Variants in PHLDB2 observed in about 807,000 individuals in gnomAD.
PHLDB2 encodes the protein pleckstrin homology-like domain family B member 2.
PHLDB2 carries 71 observed loss-of-function variants against 123.6 expected under a neutral mutation model. The ratio of observed to expected loss-of-function variants is 0.57; its 90% CI spans 0.47 to 0.70. The LOEUF is 0.70. Ranked by LOEUF, PHLDB2 falls within the 30% of genes least tolerant of loss-of-function variation. The pLI is 0.00. For synonymous variants in PHLDB2, 547 were observed against 541.6 expected (o/e 1.01, Z -0.14); for missense variants, 1,446 against 1,519.5 (o/e 0.95, Z 0.80).
At chr3:111,931,296 G>A (rs1311159312) in intron 5 of PHLDB2, among the ~76,000 whole-genome samples, 1 of 152,182 alleles carries the variant, frequency 6.6e-6, no homozygotes, top group African/African-American at 2.4e-5. Context: ...CAATTGTTCA[G>A]AGCATCATAA....
chr3:111,769,994 C>T (rs564434115), intron 1 of PHLDB2, among the ~76,000 whole-genome samples: 4 of 152,298 alleles, frequency 2.6e-5, no homozygotes, highest in East Asian at 1.9e-4. Context: ...TACTTTTTAG[C>T]GTCTCAGATA....
intron 10 of PHLDB2, chr3:111,949,988 A>G (rs1011128697): frequency 2.4e-6 from 2 of 835,678 alleles, no homozygotes; most frequent in African/African-American, 3.7e-5. Context: ...GGCATTTTTA[A>G]AAAGGCAAGT....
intron 2 of PHLDB2, chr3:111,846,448 A>T (rs2063988609): frequency 6.5e-6 from 1 of 153,888 alleles, no homozygotes. Context: ...TATAAAGTGT[A>T]TATATTCCTC....
At chr3:111,955,962 A>T (rs1001289549) in intron 12 of PHLDB2, among the ~76,000 whole-genome samples, 1 of 152,126 alleles carries the variant, frequency 6.6e-6, no homozygotes, top group African/African-American at 2.4e-5. Flanking sequence ...GCACCTTGGG[A>T]GGCTGAGGAG....
intron 10 of PHLDB2, among the ~76,000 whole-genome samples, chr3:111,950,828 A>C (rs184062573): frequency 1.4e-4 from 22 of 152,346 alleles, no homozygotes; most frequent in Admixed American, 1.2e-3. Flanking sequence ...CTGATATGAA[A>C]GGATATTGGT....
chr3:111,832,319 T>C (rs1412464985), intron 1 of PHLDB2, among the ~76,000 whole-genome samples: 1 of 151,390 alleles, frequency 6.6e-6, no homozygotes, highest in Admixed American at 6.6e-5. Context: ...CTTCTGTTAA[T>C]GGCATTGTTT....
At chr3:111,955,047 C>A (rs1559921044) in intron 12 of PHLDB2, among the ~76,000 whole-genome samples, 1 of 151,756 alleles carries the variant, frequency 6.6e-6, no homozygotes, top group Non-Finnish European at 1.5e-5. Context: ...TATATACACA[C>A]ACACACACAC....
chr3:111,880,601 A>T (rs553690167), intron 1 of PHLDB2, among the ~76,000 whole-genome samples: 10 of 152,228 alleles, frequency 6.6e-5, no homozygotes, highest in Non-Finnish European at 1.3e-4. Flanking sequence ...CTGCATATGC[A>T]CAAAGTGGTA....
At chr3:111,889,915 A>G (rs1226105981) in intron 2 of PHLDB2, among the ~76,000 whole-genome samples, 2 of 152,126 alleles carry the variant, frequency 1.3e-5, no homozygotes, top group Admixed American at 6.6e-5. Context: ...GCCCCCAGGT[A>G]GAAAGACAGA....
Position 111,952,646 on chromosome 3 carries a change from G to C in PHLDB2, c.2706G>C (p.Lys902Asn). ...ATCTGAGTGATACTTTGCCTCGAAA[G>C]AAAACCACATCTTCCATCTCCCCAC... ...GLYLSDTLPR[K>N]KTTSSISPHF... The change falls in exon 11 of 18, where the codon AAG becomes AAC. Residue 902 changes from lysine to asparagine, a missense_variant. Lys to Asn is a moderately conservative substitution (Grantham distance 94, BLOSUM62 0). This residue lies in a region of PHLDB2 where 594 missense variants were observed against 646.0 expected (regional missense o/e 0.92). Transcript: ENST00000431670. 1 of 1,613,954 alleles carries C rather than the reference G, an allele frequency of 6.2e-7. No homozygotes were observed. Among genetic ancestry groups the C allele is most frequent in the East Asian group, 2.2e-5 (1 of 44,868 alleles).
chr3:111,870,590 T>C (rs1462302209), intron 1 of PHLDB2, among the ~76,000 whole-genome samples: 1 of 152,168 alleles, frequency 6.6e-6, no homozygotes, highest in African/African-American at 2.4e-5. Flanking sequence ...TTGTGTCCAT[T>C]GTTGTCCACT....
intron 1 of PHLDB2, among the ~76,000 whole-genome samples, chr3:111,751,418 C>T (rs1206955923): frequency 6.6e-6 from 1 of 152,170 alleles, no homozygotes; most frequent in East Asian, 1.9e-4. Flanking sequence ...CTATGTTCTA[C>T]TCATTTTATA....
chr3:111,846,165 G>A (rs1360968825), intron 2 of PHLDB2: 3 of 423,034 alleles, frequency 7.1e-6, no homozygotes, highest in Admixed American at 3.4e-5. Context: ...ATTTAGTCCA[G>A]ATGCTGAAGG....
chr3:111,973,818 G>T lies in PHLDB2; in HGVS notation c.3621+1G>T. On this transcript the variant is annotated splice_donor_variant, in intron 17 of 17. Transcript: ENST00000431670. LOFTEE classifies it high-confidence loss of function. ...TGATCACCTCAAGAATGCTAATAAG[G>T]TAAACATCAGTTTTCTAAATTCCTA... is the stretch of plus-strand genomic sequence containing the variant. 1 of 1,537,264 alleles carries T rather than the reference G, an allele frequency of 6.5e-7. No individual in the cohort carries two copies. The highest frequency in any genetic ancestry group is 1.2e-5 in the South Asian group (1 of 85,004).
chr3:111,766,947 C>T (rs2060092853), intron 1 of PHLDB2, among the ~76,000 whole-genome samples: 1 of 149,166 alleles, frequency 6.7e-6, no homozygotes, highest in Admixed American at 6.7e-5. Flanking sequence ...AGGAGAATCG[C>T]TGGAACGTGA....
intron 2 of PHLDB2, among the ~76,000 whole-genome samples, chr3:111,894,569 T>C (rs1458341837): frequency 6.6e-6 from 1 of 151,638 alleles, no homozygotes; most frequent in African/African-American, 2.4e-5. Context: ...CTCTCCAACA[T>C]CTGTTGTTTC....
At chr3:111,740,989 A>AACATG (rs2107925662) in intron 1 of PHLDB2, among the ~76,000 whole-genome samples, 1 of 152,238 alleles carries the variant, frequency 6.6e-6, no homozygotes, top group South Asian at 2.1e-4. Context: ...AAGGTGCTGA[A>AACATG]ACATGGAGAC....
chr3:111,940,769 T>C (rs563264992), intron 8 of PHLDB2, 124 bp downstream of exon 8: 2 of 433,570 alleles, frequency 4.6e-6, no homozygotes, highest in African/African-American at 2.0e-5. Context: ...AAGATTTTTA[T>C]ATACTTTTTT....
intron 6 of PHLDB2, among the ~76,000 whole-genome samples, chr3:111,938,136 T>A (rs1373232322): frequency 9.2e-5 from 14 of 152,238 alleles, no homozygotes; most frequent in African/African-American, 3.1e-4. Context: ...GGTGTGTACA[T>A]ATTTTTAATG....
Sources: allele counts gnomAD v4.1 joint callset (sites outside exome capture counted in the v4.1 genomes callset), GRCh38; gene constraint gnomAD v4.1.1; regional missense constraint gnomAD v4.1.1; transcripts MANE v1.5; gene names NCBI Gene and HGNC (gene_info 2026-07-23, HGNC 2026-07-21).